The following MTERF3 variants were observed in gnomAD, a reference collection of about 807,000 sequenced individuals.
MTERF3 encodes mitochondrial transcription termination factor 3.
MTERF3 carries 40 observed loss-of-function variants against 40.5 expected under a neutral mutation model. The observed-to-expected ratio is 0.99, with a 90% CI of 0.77 to 1.29. The LOEUF (loss-of-function observed/expected upper bound fraction) is 1.29. Ranked by LOEUF, MTERF3 falls within the 50% of genes most tolerant of loss-of-function variation. MTERF3 has a pLI of 0.00. For synonymous variants in MTERF3, 158 were observed against 166.6 expected, an observed-to-expected ratio of 0.95 and a Z score of 0.40; for missense variants, 452 against 478.2, an observed-to-expected ratio of 0.95 and a Z score of 0.51.
At chr8:96,252,503 A>G (rs1205443149) in intron 3 of MTERF3, among the ~76,000 whole-genome samples, 4 of 152,232 alleles carry the variant, frequency 2.6e-5, no homozygotes, top group African/African-American at 9.6e-5. Context: ...CTGGAAAGCT[A>G]TTCCACAATT....
intron 4 of MTERF3, among the ~76,000 whole-genome samples, chr8:96,249,440 T>C (rs943296313): frequency 3.3e-5 from 5 of 152,232 alleles, no homozygotes; most frequent in Non-Finnish European, 5.9e-5. Flanking sequence ...GATGAGTTTC[T>C]TAGAATCATT....
At position 96,246,468 on chromosome 8, in the gene MTERF3, A is replaced by G. The variant is rs1296027693; in HGVS notation, c.678-14T>C. The G allele has an allele frequency of 6.3e-7, 1 of 1,592,962 alleles. No homozygotes were observed. The highest frequency in any genetic ancestry group is 8.5e-7 in the Non-Finnish European group (1 of 1,172,118). On this transcript the variant is annotated splice_polypyrimidine_tract_variant and intron_variant, in intron 4 of 7. Coordinates refer to ENST00000287025, the MANE Select transcript of MTERF3 (RefSeq NM_015942.5). ...AGATAAGCCACCCTAGAGAAACATA[A>G]ATACATACGCATGTGATAAACACTT...
intron 7 of MTERF3, among the ~76,000 whole-genome samples, chr8:96,243,396 A>C (rs546072367): frequency 1.3e-5 from 2 of 152,342 alleles, no homozygotes; most frequent in African/African-American, 4.8e-5. Flanking sequence ...GCAGTGTATA[A>C]ATCAGACAAA....
intron 1 of MTERF3, among the ~76,000 whole-genome samples, chr8:96,259,378 G>A (rs1434538133): frequency 7.0e-6 from 1 of 142,400 alleles, no homozygotes; most frequent in Non-Finnish European, 1.5e-5. Context: ...TAGGAAAGGA[G>A]AAAAAAGCCT....
rs1810321297 is a variant in MTERF3, at chr8:96,258,463, A to G, written c.228T>C (p.Ser76=). 1.2e-6 allele frequency: 2 copies of G among 1,614,154 alleles called. No individual in the cohort carries two copies. The highest frequency in any genetic ancestry group is 1.7e-6 in the Non-Finnish European group (2 of 1,179,998). Residue 76 remains serine (S), a synonymous_variant, in exon 2 of 8, where the codon AGT becomes AGC. Coordinates refer to ENST00000287025, the MANE Select transcript of MTERF3 (RefSeq NM_015942.5). The stretch of plus-strand genomic sequence containing the variant: ...TTTGGGCAGAATTATTCTCCTGACT[A>G]CTTGAGCTAGTAGACTGGGAACTAT... ...LWNSSQSTSS[S]SQENNSAQSS...
chr8:96,251,097 T>G lies in MTERF3; in HGVS notation c.488-2A>C. On this transcript the variant is annotated splice_acceptor_variant, in intron 3 of 7. Transcript: ENST00000287025. LOFTEE classifies it high-confidence loss of function. ...TTTCTATCTTGGACAAATCCACGCC[T>G]ATAATAAATTATAAATACTGTTTGA... 6.4e-7 allele frequency: 1 copy of G among 1,565,470 alleles called. No individual in the cohort carries two copies. The highest frequency in any genetic ancestry group is 1.2e-5 in the South Asian group (1 of 82,714).
chr8:96,246,246 A>C, intron 5 of MTERF3, 61 bp downstream of exon 5: 1 of 1,459,336 alleles, frequency 6.9e-7, no homozygotes, highest in Non-Finnish European at 9.2e-7. Context: ...GGAACATGAG[A>C]TCTATCAGCT....
In MTERF3 at chr8:96,250,962, T is replaced by C; in HGVS notation, c.621A>G (p.Ala207=). ...DVGIEDNQLG[A]FLTKNHAIFS... The stretch of plus-strand genomic sequence containing the variant: ...AAATTGCATGATTTTTTGTCAGGAA[T>C]GCTCCCAGTTGGTTATCCTCTATAC... Residue 207 remains alanine, a synonymous_variant, in exon 4 of 8, where the codon GCA becomes GCG. Transcript: ENST00000287025. 2 of 1,608,814 alleles carry C rather than the reference T, an allele frequency of 1.2e-6. No individual in the cohort carries two copies. Among genetic ancestry groups the C allele is most frequent in the Non-Finnish European group, 1.7e-6 (2 of 1,178,818 alleles).
chr8:96,253,584 C>A (rs936334120), intron 3 of MTERF3, among the ~76,000 whole-genome samples: 2 of 152,094 alleles, frequency 1.3e-5, no homozygotes, highest in African/African-American at 2.4e-5. Context: ...TCTGACAGAG[C>A]AAATAAGGCT....
intron 7 of MTERF3, among the ~76,000 whole-genome samples, chr8:96,243,145 G>A (rs1809958914): frequency 1.3e-5 from 2 of 152,122 alleles, no homozygotes; most frequent in Non-Finnish European, 2.9e-5. Context: ...GTTGTATTAA[G>A]GTCATATTTC....
rs773673895 is a variant in MTERF3 at position 96,244,063 on chromosome 8, A to C, written c.915T>G (p.Leu305=). 2 of 1,612,356 alleles carry C rather than the reference A, an allele frequency of 1.2e-6. No homozygotes were observed. Among genetic ancestry groups the C allele is most frequent in the Admixed American group, 3.3e-5 (2 of 59,952 alleles). The change falls in exon 7 of 8, where the codon CTT becomes CTG. Residue 305 remains leucine, a synonymous_variant. Coordinates refer to ENST00000287025, the MANE Select transcript of MTERF3 (RefSeq NM_015942.5). The part of the protein sequence containing the change: ...KENMKVYRLE[L]GFKHNEIQHM... Reference sequence around the variant, plus strand: ...GTTGAATTTCGTTATGTTTAAAACCAAGTTCAAGACGATAAACCTAAAAGA... The same window carrying C: ...GTTGAATTTCGTTATGTTTAAAACCCAGTTCAAGACGATAAACCTAAAAGA...
chr8:96,245,554 C>T (rs552027886), intron 6 of MTERF3, among the ~76,000 whole-genome samples: 20 of 152,310 alleles, frequency 1.3e-4, no homozygotes, highest in East Asian at 5.8e-4. Context: ...AGACGTCAGA[C>T]GCCCACACTG....
chr8:96,247,612 C>T (rs34055705), intron 4 of MTERF3, among the ~76,000 whole-genome samples: 11,451 of 152,164 alleles, frequency 0.075, 462 homozygotes, highest in African/African-American at 0.084. Context: ...AAGATGTGAA[C>T]TCAGGCATGC....
intron 2 of MTERF3, 116 bp downstream of exon 2, chr8:96,258,241 C>T: frequency 7.0e-7 from 1 of 1,422,656 alleles, no homozygotes. Context: ...TGGTATTATT[C>T]TTTTTCTTTC....
rs910462225 is a variant in MTERF3, at chr8:96,239,729, G to A, written c.1060-44C>T. ...TTTTTAAAAAACACTGCACACGGGAGGATGAAATATTAAAAAGTTTACTTG... is the reference window on the plus strand; with the variant it reads ...TTTTTAAAAAACACTGCACACGGGAAGATGAAATATTAAAAAGTTTACTTG... On this transcript the variant is annotated intron_variant, in intron 7 of 7. Coordinates refer to ENST00000287025, the MANE Select transcript of MTERF3 (RefSeq NM_015942.5). 6.1e-6 allele frequency: 9 copies of A among 1,473,228 alleles called. No individual in the cohort carries two copies. In the East Asian group the frequency reaches 1.6e-4, roughly 26 times the overall value. The allele number at this position is 1,473,228 out of a possible 1,614,324, so 91.3% of individuals were successfully genotyped here. A position where few individuals can be genotyped will look rare whatever the true frequency, so the allele number is the denominator to read the frequency against.
chr8:96,239,586 A>T lies in MTERF3; in HGVS notation c.1159T>A (p.Leu387Met), dbSNP rs373637450. The change falls in exon 8 of 8, where the codon TTG (leucine) becomes ATG (methionine). Residue 387 changes from leucine (L) to methionine (M), a missense_variant. Physicochemically the swap from Leu to Met is conservative, Grantham distance 15. Coordinates refer to ENST00000287025, the MANE Select transcript of MTERF3 (RefSeq NM_015942.5). ...TCAGGAATAGATACTAGTTTGTCCA[A>T]AGAGATGTAGTTAGGTTTTGCTGGA... ...YDPAKPNYIS[L>M]DKLVSIPDEI... 8 of 1,613,004 alleles carry T rather than the reference A, an allele frequency of 5.0e-6. No individual in the cohort carries two copies. The highest frequency in any genetic ancestry group is 5.9e-6 in the Non-Finnish European group (7 of 1,179,730).
At chr8:96,256,482 ACTGCC>A (rs1311596793) in intron 3 of MTERF3, among the ~76,000 whole-genome samples, 2 of 152,244 alleles carry the variant, frequency 1.3e-5, no homozygotes, top group Non-Finnish European at 2.9e-5. Context: ...GGCAACTATT[ACTGCC>A]GGAAAAATGA....
chr8:96,242,778 C>A (rs1031913454), intron 7 of MTERF3, among the ~76,000 whole-genome samples: 1 of 152,190 alleles, frequency 6.6e-6, no homozygotes, highest in South Asian at 2.1e-4. Flanking sequence ...TTAAACCTGT[C>A]TTCCACACTC....
intron 3 of MTERF3, among the ~76,000 whole-genome samples, chr8:96,254,746 T>C (rs1330567683): frequency 2.0e-5 from 3 of 152,230 alleles, no homozygotes; most frequent in Non-Finnish European, 4.4e-5. Flanking sequence ...TATTCTTATA[T>C]ATTTAGATGT....
Sources: allele counts gnomAD v4.1 joint callset (sites outside exome capture counted in the v4.1 genomes callset), GRCh38; gene constraint gnomAD v4.1.1; transcripts MANE v1.5; gene names NCBI Gene and HGNC (gene_info 2026-07-23, HGNC 2026-07-21).